The following ARAP2 variants were observed in gnomAD, a reference collection of about 807,000 sequenced individuals.
ARAP2 encodes the protein ArfGAP with RhoGAP domain, ankyrin repeat and PH domain 2.
A neutral mutation model predicts 194.5 loss-of-function variants in ARAP2; 148 were observed. That is an observed-to-expected ratio of 0.76 (90% CI 0.67 to 0.87). The LOEUF is 0.87. Among genes scored for constraint, ARAP2 ranks in the 40% least tolerant of loss-of-function variants. The pLI, the probability that ARAP2 is intolerant of heterozygous loss-of-function variation, is 0.00. For synonymous variants in ARAP2, 695 were observed against 683.5 expected (o/e 1.02, Z -0.26); for missense variants, 2,128 against 1,989.7 (o/e 1.07, Z -1.32).
At chr4:36,240,286 T>G (rs1380938199) in intron 1 of ARAP2, among the ~76,000 whole-genome samples, 1 of 152,222 alleles carries the variant, frequency 6.6e-6, no homozygotes, top group Non-Finnish European at 1.5e-5. Context: ...TTGAATGGAA[T>G]TCTTCGGTCT....
At chr4:36,196,560 A>C (rs1743156222) in intron 6 of ARAP2, among the ~76,000 whole-genome samples, 1 of 152,194 alleles carries the variant, frequency 6.6e-6, no homozygotes, top group Non-Finnish European at 1.5e-5. Flanking sequence ...AATATTTTTA[A>C]AGATTATTAA....
At position 36,133,211 on chromosome 4, in the gene ARAP2, C is replaced by T. The variant is rs1469120798; in HGVS notation, c.3427+15G>A. Reference sequence around the variant, plus strand: ...ATCAGTTCTAAGGGTTGAATAAAAACTCAGTGATACTTACCATACTGTGTA... The same window carrying T: ...ATCAGTTCTAAGGGTTGAATAAAAATTCAGTGATACTTACCATACTGTGTA... On this transcript the variant is annotated intron_variant, in intron 20 of 32. Coordinates refer to ENST00000303965, the MANE Select transcript of ARAP2 (RefSeq NM_015230.4). 3 of 1,608,676 alleles carry T rather than the reference C, an allele frequency of 1.9e-6. No homozygotes were observed. The highest frequency in any genetic ancestry group is 2.5e-6 in the Non-Finnish European group (3 of 1,176,802).
intron 20 of ARAP2, among the ~76,000 whole-genome samples, chr4:36,129,334 C>T (rs1724815449): frequency 6.6e-6 from 1 of 151,878 alleles, no homozygotes; most frequent in South Asian, 2.1e-4. Flanking sequence ...GCTTCTTTTC[C>T]CTGTTCCTTT....
intron 5 of ARAP2, among the ~76,000 whole-genome samples, chr4:36,036,221 G>A (rs1719894516): frequency 6.6e-6 from 1 of 152,042 alleles, no homozygotes; most frequent in Non-Finnish European, 1.5e-5. Flanking sequence ...TACAGGTATT[G>A]ATATTTAGAT....
chr4:36,103,905 T>C (rs1717684719), intron 27 of ARAP2, among the ~76,000 whole-genome samples: 1 of 151,912 alleles, frequency 6.6e-6, no homozygotes, highest in Non-Finnish European at 1.5e-5. Context: ...ATTTTTTATA[T>C]AACATTCTCG....
At chr4:36,051,141 ATCT>A (rs1204032669) in intron 3 of ARAP2, among the ~76,000 whole-genome samples, 1 of 152,184 alleles carries the variant, frequency 6.6e-6, no homozygotes, top group African/African-American at 2.4e-5. Context: ...ATTTCAGCTA[ATCT>A]TCTTACTAAC....
chr4:36,081,448 G>A (rs181876749), intron 30 of ARAP2, among the ~76,000 whole-genome samples: 1 of 152,270 alleles, frequency 6.6e-6, no homozygotes, highest in East Asian at 1.9e-4. Context: ...AATAAAGATA[G>A]ATGATTGTTT....
At chr4:36,043,047 T>C (rs1721147680) in intron 5 of ARAP2, among the ~76,000 whole-genome samples, 1 of 152,118 alleles carries the variant, frequency 6.6e-6, no homozygotes, top group Non-Finnish European at 1.5e-5. Flanking sequence ...TTCTCCATGT[T>C]GGCCAGGCTG....
intron 2 of ARAP2, among the ~76,000 whole-genome samples, chr4:36,218,613 C>CAA (rs1560697324): frequency 1.3e-5 from 2 of 152,004 alleles, no homozygotes; most frequent in East Asian, 3.8e-4. Context: ...GATTATAAAC[C>CAA]TCAGTGTAAT....
chr4:36,032,608 T>A (rs185888053), intron 5 of ARAP2, among the ~76,000 whole-genome samples: 2 of 152,342 alleles, frequency 1.3e-5, no homozygotes, highest in African/African-American at 2.4e-5. Context: ...TATTTTAAGA[T>A]TATAAAATTA....
intron 25 of ARAP2, 67 bp from the exon 26 acceptor site, chr4:36,114,354 T>C: frequency 2.2e-6 from 2 of 921,788 alleles, no homozygotes; most frequent in South Asian, 3.2e-5. Context: ...GCTAGGTCAA[T>C]AATATTCCCC....
intron 31 of ARAP2, among the ~76,000 whole-genome samples, chr4:36,078,501 T>C (rs1293322748): frequency 1.3e-5 from 2 of 152,184 alleles, no homozygotes; most frequent in Non-Finnish European, 2.9e-5. Context: ...AACATATATA[T>C]AAATATTTGC....
chr4:36,212,417 T>G lies in ARAP2; in HGVS notation c.1112A>C (p.Asn371Thr). 1 of 1,611,856 alleles carries G rather than the reference T, an allele frequency of 6.2e-7. No individual in the cohort carries two copies. Among genetic ancestry groups the G allele is most frequent in the Non-Finnish European group, 8.5e-7 (1 of 1,178,472 alleles). ...ATACCTTGATTTGATGATAAAAGAG[T>G]TTGTTGCAGTAGCTGCTTCCCCTTT... ...ALKGEAATAT[N>T]SFIIKSSIYD... is the part of the protein sequence containing the mutation. The change falls in exon 5 of 33, where the codon AAC becomes ACC. Residue 371 changes from asparagine (N) to threonine (T), a missense_variant. Asn to Thr is a moderately conservative substitution (Grantham distance 65). Coordinates refer to ENST00000303965, the MANE Select transcript of ARAP2 (RefSeq NM_015230.4).
chr4:36,211,185 C>A (rs1379214705), intron 5 of ARAP2, among the ~76,000 whole-genome samples: 1 of 152,066 alleles, frequency 6.6e-6, no homozygotes. Context: ...CTAATCAACT[C>A]CAAGGACCCC....
chr4:36,180,695 A>G (rs982096545), intron 8 of ARAP2, among the ~76,000 whole-genome samples: 38 of 152,214 alleles, frequency 2.5e-4, no homozygotes, highest in Non-Finnish European at 5.4e-4. Context: ...TACTGTTAGC[A>G]TATATTTCAG....
chr4:36,013,187 G>C (rs1714863810), intron 8 of ARAP2, among the ~76,000 whole-genome samples: 1 of 152,078 alleles, frequency 6.6e-6, no homozygotes, highest in Non-Finnish European at 1.5e-5. Flanking sequence ...TCTATGACCA[G>C]TGAAAAAAGG....
chr4:36,100,972 T>C (rs1484985091), intron 27 of ARAP2, among the ~76,000 whole-genome samples: 1 of 151,966 alleles, frequency 6.6e-6, no homozygotes, highest in Non-Finnish European at 1.5e-5. Flanking sequence ...CATCTGTCAA[T>C]TCAACCAATA....
At chr4:36,147,853 T>C in intron 17 of ARAP2, 107 bp from the exon 18 acceptor site, 1 of 1,010,040 alleles carries the variant, frequency 9.9e-7, no homozygotes, top group East Asian at 2.7e-5. Flanking sequence ...TTTTTCAATT[T>C]TAAAGATTCA....
chr4:36,080,872 C>A (rs934535210), intron 30 of ARAP2, among the ~76,000 whole-genome samples: 1 of 152,068 alleles, frequency 6.6e-6, no homozygotes, highest in African/African-American at 2.4e-5. Flanking sequence ...AGCATATAGA[C>A]AAATAAATTA....
Sources: gnomAD v4.1 joint callset for allele counts (sites outside exome capture counted in the v4.1 genomes callset) on GRCh38, gnomAD v4.1.1 for gene constraint, MANE v1.5 for transcripts, NCBI Gene and HGNC (gene_info 2026-07-23, HGNC 2026-07-21) for gene names.